Variants in ETS1 observed in about 807,000 individuals in gnomAD.
The protein encoded by ETS1 is protein C-ets-1.
Under a neutral mutation model 58.6 loss-of-function variants are expected in ETS1, and 15 were observed. The observed-to-expected ratio is 0.26, with a 90% CI of 0.17 to 0.39. The LOEUF is 0.39. Among genes scored for constraint, ETS1 ranks in the 10% least tolerant of loss-of-function variants. The pLI is 1.00. For synonymous variants in ETS1, 214 were observed against 218.2 expected (o/e 0.98, Z 0.17); for missense variants, 417 against 610.5 (o/e 0.68, Z 3.34).
chr11:128,540,417 C>A (rs906216032), intron 3 of ETS1, among the ~76,000 whole-genome samples: 1 of 150,960 alleles, frequency 6.6e-6, no homozygotes, highest in African/African-American at 2.4e-5. Flanking sequence ...CAGAACTGTA[C>A]ACTTTAAATA....
intron 8 of ETS1, among the ~76,000 whole-genome samples, chr11:128,469,239 A>T (rs1862120359): frequency 6.6e-6 from 1 of 152,230 alleles, no homozygotes; most frequent in South Asian, 2.1e-4. Context: ...TGGGCAGGAC[A>T]CCACATTTAT....
At chr11:128,555,023 G>A (rs1183465983) in intron 3 of ETS1, among the ~76,000 whole-genome samples, 1 of 152,118 alleles carries the variant, frequency 6.6e-6, no homozygotes, top group East Asian at 1.9e-4. Flanking sequence ...GAGATACCAA[G>A]CAGAAAGTGA....
intron 2 of ETS1, among the ~76,000 whole-genome samples, chr11:128,557,255 C>T (rs768987786): frequency 6.6e-6 from 1 of 152,172 alleles, no homozygotes; most frequent in Non-Finnish European, 1.5e-5. Context: ...ATAGCTCTAG[C>T]TACTCGGGAG....
At chr11:128,520,694 C>G (rs1343067620) in intron 3 of ETS1, among the ~76,000 whole-genome samples, 1 of 152,186 alleles carries the variant, frequency 6.6e-6, no homozygotes, top group African/African-American at 2.4e-5. Flanking sequence ...TGCACAGCAG[C>G]CCTGGAGCTG....
At chr11:128,465,947 A>C (rs1862022621) in intron 8 of ETS1, among the ~76,000 whole-genome samples, 1 of 152,190 alleles carries the variant, frequency 6.6e-6, no homozygotes, top group Admixed American at 6.5e-5. Context: ...GCCCATCCCC[A>C]GGTTCTTCAT....
chr11:128,571,501 CAAAAA>C (rs563312769), intron 2 of ETS1, among the ~76,000 whole-genome samples: 1 of 32,880 alleles, frequency 3.0e-5, no homozygotes, highest in African/African-American at 1.2e-4. Flanking sequence ...AAGACTCCGT[CAAAAA>C]AAAAAAAAAA....
chr11:128,555,022 A>G lies in ETS1; in HGVS notation c.214+1269T>C, dbSNP rs966880828. On this transcript the variant is annotated intron_variant, in intron 3 of 9. Transcript: ENST00000392668. ...TATGCTTAGAAGAACTGAGATACCA[A>G]GCAGAAAGTGACAGCATAAATATTA... Among the ~76,000 whole-genome samples, 7 of 152,174 alleles carry G rather than the reference A, an allele frequency of 4.6e-5. 1 individual carries two copies. The highest frequency in any genetic ancestry group is 3.3e-4 in the Admixed American group (5 of 15,276).
intron 6 of ETS1, 124 bp from the exon 7 acceptor site, chr11:128,485,195 A>C: frequency 1.2e-6 from 1 of 832,362 alleles, no homozygotes; most frequent in Non-Finnish European, 1.8e-6. Flanking sequence ...AAATACTTTA[A>C]ATCAGAAAAG....
At chr11:128,538,329 C>T (rs571273007) in intron 3 of ETS1, among the ~76,000 whole-genome samples, 41 of 152,208 alleles carry the variant, frequency 2.7e-4, no homozygotes, top group African/African-American at 9.6e-4. Flanking sequence ...GTTAACCTTC[C>T]TATTTAGAGA....
At chr11:128,522,966 G>C (rs966999095) in intron 3 of ETS1, among the ~76,000 whole-genome samples, 1 of 152,184 alleles carries the variant, frequency 6.6e-6, no homozygotes, top group African/African-American at 2.4e-5. Context: ...GTTGGCAGGG[G>C]AGTCCAGAAC....
chr11:128,569,873 T>A (rs1044395071), intron 2 of ETS1, among the ~76,000 whole-genome samples: 1 of 152,206 alleles, frequency 6.6e-6, no homozygotes, highest in Non-Finnish European at 1.5e-5. Context: ...TGTACAACCT[T>A]CTGCTTTTAC....
At position 128,465,563 on chromosome 11, in the gene ETS1, A is replaced by C. The variant is rs139440544; in HGVS notation, c.1124-1936T>G. Among the ~76,000 whole-genome samples the C allele has an allele frequency of 2.5e-3, 384 of 152,322 alleles. 1 individual carries two copies. The highest frequency in any genetic ancestry group is 8.8e-3 in the African/African-American group (364 of 41,572). On this transcript the variant is annotated intron_variant, in intron 8 of 9. Transcript: ENST00000392668. ...GAAGTAAAACAGCAAATCGCTCTCA[A>C]GAAATGCAGCTGCCAGAGCCCTGGT...
chr11:128,543,624 C>T (rs1864088079), intron 3 of ETS1, among the ~76,000 whole-genome samples: 2 of 152,214 alleles, frequency 1.3e-5, no homozygotes, highest in South Asian at 4.1e-4. Context: ...ATTACTCTCA[C>T]ACTCAACGTC....
intron 3 of ETS1, among the ~76,000 whole-genome samples, chr11:128,494,020 T>C (rs1054858469): frequency 5.9e-5 from 9 of 152,210 alleles, no homozygotes; most frequent in Admixed American, 3.3e-4. Context: ...TCACCTATTA[T>C]AATATTTTTA....
At chr11:128,543,170 G>A (rs1864080908) in intron 3 of ETS1, among the ~76,000 whole-genome samples, 1 of 148,024 alleles carries the variant, frequency 6.8e-6, no homozygotes, top group African/African-American at 2.5e-5. Flanking sequence ...TCCAGTCCTG[G>A]CAACAAGAGC....
rs772312674 is a variant in ETS1 at position 128,464,996 on chromosome 11, G to A, written c.1124-1369C>T. On this transcript the variant is annotated intron_variant, in intron 8 of 9. Coordinates refer to ENST00000392668, the MANE Select transcript of ETS1 (RefSeq NM_001143820.2). The surrounding 1 kb of genome is among the most constrained non-coding windows in gnomAD (Gnocchi z 4.1). ...GTACTGTGACTTTGCTCTGAGCCAC[G>A]GTTAGCGAAATGGTGGTTCTGGGTC... Among the ~76,000 whole-genome samples the A allele has an allele frequency of 8.1e-4, 124 of 152,242 alleles. 1 individual carries two copies. Among genetic ancestry groups the A allele is most frequent in the Non-Finnish European group, 1.6e-3 (109 of 68,022 alleles).
At chr11:128,538,123 AG>A (rs1432221072) in intron 3 of ETS1, among the ~76,000 whole-genome samples, 1 of 152,204 alleles carries the variant, frequency 6.6e-6, no homozygotes, top group Admixed American at 6.5e-5. Context: ...AGAAAATACA[AG>A]AAAAGTGAAA....
chr11:128,524,870 C>T (rs1033978978), intron 3 of ETS1, among the ~76,000 whole-genome samples: 5 of 152,074 alleles, frequency 3.3e-5, no homozygotes, highest in Non-Finnish European at 5.9e-5. Context: ...GCCCTTTTCC[C>T]TTCATAGTAG....
intron 8 of ETS1, among the ~76,000 whole-genome samples, chr11:128,477,258 G>C (rs780358047): frequency 1.3e-5 from 2 of 152,150 alleles, no homozygotes; most frequent in African/African-American, 2.4e-5. Context: ...ACATACTCTG[G>C]AGCAATCAAA....
Sources: gnomAD v4.1 joint callset for allele counts (sites outside exome capture counted in the v4.1 genomes callset) on GRCh38, gnomAD v4.1.1 for gene constraint, Gnocchi (gnomAD v3.1) non-coding constraint, MANE v1.5 for transcripts, NCBI Gene and HGNC (gene_info 2026-07-23, HGNC 2026-07-21) for gene names.